The following NRG3 variants were observed in gnomAD, a reference collection of about 807,000 sequenced individuals.
The protein encoded by NRG3 is neuregulin 3, also known as pro-neuregulin-3, membrane-bound isoform.
A neutral mutation model predicts 66.9 loss-of-function variants in NRG3; 31 were observed. The ratio of observed to expected loss-of-function variants is 0.46; its 90% CI spans 0.35 to 0.63. The LOEUF (loss-of-function observed/expected upper bound fraction) is 0.63. Ranked by LOEUF, NRG3 falls within the 20% of genes least tolerant of loss-of-function variation. The pLI is 0.00. For missense variants in NRG3, 910 were observed against 878.9 expected (o/e 1.04, Z -0.45); for synonymous variants, 393 against 359.4 (o/e 1.09, Z -1.06).
At chr10:82,728,189 G>A (rs1384801784) in intron 2 of NRG3, among the ~76,000 whole-genome samples, 1 of 152,126 alleles carries the variant, frequency 6.6e-6, no homozygotes, top group Non-Finnish European at 1.5e-5. Context: ...GACTTTGGGG[G>A]ACTGTAGGGA....
In NRG3 at chr10:82,951,582, T is replaced by C. The variant is rs1323830051; in HGVS notation, c.1157+11T>C. ...CTACTTCAAAAGCAAGTAAGACTAT[T>C]TCTCTCAAGTGTTTAAAGGTTACTT... is the stretch of plus-strand genomic sequence containing the variant. On this transcript the variant is annotated intron_variant, in intron 5 of 8. Coordinates refer to ENST00000372141, the MANE Select transcript of NRG3 (RefSeq NM_001010848.4). 6.2e-7 allele frequency: 1 copy of C among 1,605,688 alleles called. No individual in the cohort carries two copies.
At chr10:82,225,964 C>A (rs1388585141) in intron 1 of NRG3, among the ~76,000 whole-genome samples, 2 of 152,064 alleles carry the variant, frequency 1.3e-5, no homozygotes, top group African/African-American at 4.8e-5. Flanking sequence ...TATTAATTTT[C>A]TTGTCGAGAC....
At chr10:82,039,648 C>T (rs1479713682) in intron 1 of NRG3, among the ~76,000 whole-genome samples, 1 of 152,108 alleles carries the variant, frequency 6.6e-6, no homozygotes, top group Non-Finnish European at 1.5e-5. Context: ...CTGGGCTTTT[C>T]CAAATGTCCA....
intron 2 of NRG3, among the ~76,000 whole-genome samples, chr10:82,735,359 G>C (rs535642599): frequency 1.3e-5 from 2 of 152,244 alleles, no homozygotes; most frequent in South Asian, 4.2e-4. Context: ...AAGGGATAAA[G>C]AAATACAAAG....
At chr10:82,407,416 A>C (rs1292406804) in intron 2 of NRG3, among the ~76,000 whole-genome samples, 3 of 152,144 alleles carry the variant, frequency 2.0e-5, no homozygotes, top group Non-Finnish European at 4.4e-5. Flanking sequence ...TTTGAATCAG[A>C]TAATCTTGAG....
intron 2 of NRG3, among the ~76,000 whole-genome samples, chr10:82,704,202 A>G (rs2056116499): frequency 6.6e-6 from 1 of 152,068 alleles, no homozygotes; most frequent in Non-Finnish European, 1.5e-5. Flanking sequence ...TCTTCCTTTC[A>G]GATAGGTTTC....
At chr10:82,802,609 G>T (rs1175041248) in intron 3 of NRG3, among the ~76,000 whole-genome samples, 1 of 151,976 alleles carries the variant, frequency 6.6e-6, no homozygotes, top group Non-Finnish European at 1.5e-5. Flanking sequence ...TAGAAGAACA[G>T]GACAACCCAT....
At chr10:82,667,622 G>C (rs1413059026) in intron 2 of NRG3, among the ~76,000 whole-genome samples, 1 of 152,090 alleles carries the variant, frequency 6.6e-6, no homozygotes, top group Non-Finnish European at 1.5e-5. Flanking sequence ...CTTGAGAGGA[G>C]GTGAAAGTAT....
chr10:82,729,347 A>G (rs1293295874), intron 2 of NRG3, among the ~76,000 whole-genome samples: 2 of 152,178 alleles, frequency 1.3e-5, no homozygotes, highest in Admixed American at 1.3e-4. Flanking sequence ...GGCAATTATT[A>G]TTTTATTACC....
intron 2 of NRG3, among the ~76,000 whole-genome samples, chr10:82,511,809 T>C (rs1845191713): frequency 6.6e-6 from 1 of 151,854 alleles, no homozygotes; most frequent in African/African-American, 2.4e-5. Context: ...GTCAGGAAAC[T>C]ATCAGACACC....
At chr10:82,563,497 A>G (rs996528532) in intron 2 of NRG3, among the ~76,000 whole-genome samples, 1 of 152,008 alleles carries the variant, frequency 6.6e-6, no homozygotes, top group Non-Finnish European at 1.5e-5. Context: ...GATTTTTTCT[A>G]ATTTTTTATA....
At chr10:82,374,333 C>T (rs1368235632) in intron 2 of NRG3, among the ~76,000 whole-genome samples, 1 of 152,136 alleles carries the variant, frequency 6.6e-6, no homozygotes, top group African/African-American at 2.4e-5. Context: ...AGACGCCCAC[C>T]AGTAGGTAGG....
At chr10:82,113,722 T>C (rs2067529612) in intron 1 of NRG3, among the ~76,000 whole-genome samples, 1 of 152,140 alleles carries the variant, frequency 6.6e-6, no homozygotes. Flanking sequence ...GTTTTGATAA[T>C]TGCACTAGGT....
chr10:82,482,687 C>T (rs2132161225), intron 2 of NRG3, among the ~76,000 whole-genome samples: 1 of 152,226 alleles, frequency 6.6e-6, no homozygotes, highest in East Asian at 1.9e-4. Flanking sequence ...GGGCCAGCCG[C>T]CTATTATAAC....
intron 2 of NRG3, among the ~76,000 whole-genome samples, chr10:82,447,128 C>A (rs941699192): frequency 3.9e-5 from 6 of 152,198 alleles, no homozygotes; most frequent in Non-Finnish European, 7.3e-5. Flanking sequence ...TGCAAGAAAA[C>A]AACAATGTCT....
rs2084798691 is a variant in NRG3 at position 82,370,317 on chromosome 10, G to A, written c.953+11449G>A. On this transcript the variant is annotated intron_variant, in intron 2 of 8. Transcript: ENST00000372141. ...AGTGGGAAGGTGATATTCCCCTGGAGTGGGGCTGCCCAGTGGCCAGCCTCC... is the reference window on the plus strand; with the variant it reads ...AGTGGGAAGGTGATATTCCCCTGGAATGGGGCTGCCCAGTGGCCAGCCTCC... Among the ~76,000 whole-genome samples the A allele has an allele frequency of 1.5e-5, 2 of 137,756 alleles. 1 individual carries two copies. The allele number at this position is 137,756 out of a possible 152,430, so 90.4% of individuals were successfully genotyped here.
chr10:82,888,602 G>T (rs1469721227), intron 4 of NRG3, among the ~76,000 whole-genome samples: 1 of 152,016 alleles, frequency 6.6e-6, no homozygotes, highest in Non-Finnish European at 1.5e-5. Flanking sequence ...CTTACTGTAC[G>T]CCAATCATTT....
chr10:82,217,204 G>A (rs2075731468), intron 1 of NRG3, among the ~76,000 whole-genome samples: 1 of 152,206 alleles, frequency 6.6e-6, no homozygotes, highest in Non-Finnish European at 1.5e-5. Flanking sequence ...TGTTGAGGGT[G>A]CCTGTGGGGC....
At chr10:81,881,486 T>A (rs946824857) in intron 1 of NRG3, among the ~76,000 whole-genome samples, 1 of 152,180 alleles carries the variant, frequency 6.6e-6, no homozygotes, top group Non-Finnish European at 1.5e-5. Flanking sequence ...CAAATCATAT[T>A]AATTTTGGTA....
Sources: gnomAD v4.1 joint callset for allele counts (sites outside exome capture counted in the v4.1 genomes callset) on GRCh38, gnomAD v4.1.1 for gene constraint, MANE v1.5 for transcripts, NCBI Gene and HGNC (gene_info 2026-07-23, HGNC 2026-07-21) for gene names.